EHMT1: variants seen among roughly 807,000 people sequenced by gnomAD.
EHMT1 encodes the protein euchromatic histone lysine methyltransferase 1.
In EHMT1, 15 loss-of-function variants were observed where a neutral mutation model predicts 147.2. The ratio of observed to expected loss-of-function variants is 0.10; its 90% CI spans 0.07 to 0.16. EHMT1 has a LOEUF of 0.16. Among genes scored for constraint, EHMT1 ranks in the 10% least tolerant of loss-of-function variants. The pLI is 1.00. For missense variants in EHMT1, 1,587 were observed against 1,772.4 expected (o/e 0.90, Z 1.88); for synonymous variants, 795 against 709.6 (o/e 1.12, Z -1.91).
chr9:137,625,438 A>G (rs1465775867), intron 1 of EHMT1, among the ~76,000 whole-genome samples: 5 of 152,230 alleles, frequency 3.3e-5, no homozygotes, highest in African/African-American at 7.2e-5. Flanking sequence ...TCCTGGGCTC[A>G]AGCAAGCCTC....
intron 18 of EHMT1, among the ~76,000 whole-genome samples, chr9:137,805,665 CTTT>C (rs869054500): frequency 7.0e-6 from 1 of 142,456 alleles, no homozygotes; most frequent in Non-Finnish European, 1.5e-5. Flanking sequence ...AGTCAGTGGT[CTTT>C]TTTTTTTTTT....
In EHMT1 at chr9:137,834,948, C is replaced by T; in HGVS notation, c.3892C>T (p.Leu1298=). Residue 1298 remains leucine (L), a synonymous_variant, in exon 27 of 27, where the codon CTA becomes TTA. Transcript: ENST00000460843. ...CAGCTCCGCGGCTGCCGCCGACCCC[C>T]TATGAGACGCCGCCGGCCAGCGGGG... ...DTSSAAAADP[L] The T allele has an allele frequency of 6.9e-7, 1 of 1,454,592 alleles. No homozygotes were observed. Among genetic ancestry groups the T allele is most frequent in the East Asian group, 2.7e-5 (1 of 37,248 alleles). The allele number at this position is 1,454,592 out of a possible 1,614,324, so 90.1% of individuals were successfully genotyped here. A position where few individuals can be genotyped will look rare whatever the true frequency, so the allele number is the denominator to read the frequency against.
chr9:137,708,396 G>C (rs1182238010), intron 1 of EHMT1, among the ~76,000 whole-genome samples: 1 of 152,326 alleles, frequency 6.6e-6, no homozygotes. Flanking sequence ...CTGTGCCAAT[G>C]ACCTTCTTCC....
At chr9:137,790,675 GATA>G (rs1273073736) in intron 15 of EHMT1, among the ~76,000 whole-genome samples, 170 bp from the exon 16 acceptor site, 2 of 152,200 alleles carry the variant, frequency 1.3e-5, no homozygotes, top group African/African-American at 4.8e-5. Flanking sequence ...CTAAAGGTTT[GATA>G]ATAATAGAAT....
intron 1 of EHMT1, among the ~76,000 whole-genome samples, chr9:137,623,721 G>A (rs1041748574): frequency 4.6e-5 from 7 of 152,140 alleles, no homozygotes; most frequent in African/African-American, 9.7e-5. Flanking sequence ...GCACCCGGCC[G>A]CAAATGTCTT....
intron 6 of EHMT1, among the ~76,000 whole-genome samples, chr9:137,748,437 G>A (rs1948720155): frequency 6.6e-6 from 1 of 152,162 alleles, no homozygotes; most frequent in Non-Finnish European, 1.5e-5. Flanking sequence ...TGGTTCCAGT[G>A]GGGCCGTCCT....
At position 137,737,992 on chromosome 9, in the gene EHMT1, C is replaced by T. The variant is rs899048121; in HGVS notation, c.824-5379C>T. Among the ~76,000 whole-genome samples, 3 of 152,154 alleles carry T rather than the reference C, an allele frequency of 2.0e-5. No individual in the cohort carries two copies. In the South Asian group the frequency reaches 6.2e-4, roughly 32 times the overall value. On this transcript the variant is annotated intron_variant, in intron 4 of 26. Coordinates refer to ENST00000460843, the MANE Select transcript of EHMT1 (RefSeq NM_024757.5). ...GCAGATCACCTGAGGTCAGGAGTTC[C>T]AGACGAGCCGAGCCAACATAGTGAA...
intron 1 of EHMT1, among the ~76,000 whole-genome samples, chr9:137,644,542 G>A (rs958314883): frequency 2.6e-5 from 4 of 152,114 alleles, no homozygotes; most frequent in African/African-American, 9.7e-5. Flanking sequence ...TGGCCAGGCT[G>A]GTCTTGAACT....
In EHMT1 at chr9:137,828,862, C is replaced by G. The variant is rs1351061027; in HGVS notation, c.3541-5487C>G. ...TCAGCACCTTGGAGAGCTGCCGCCT[C>G]TGTGCCTCCCCTCCTGCTTGCTGCG... On this transcript the variant is annotated intron_variant, in intron 25 of 26. Transcript: ENST00000460843. The surrounding 1 kb of genome is among the most constrained non-coding windows in gnomAD (Gnocchi z 5.3). Among the ~76,000 whole-genome samples, 1 of 152,164 alleles carries G rather than the reference C, an allele frequency of 6.6e-6. No homozygotes were observed. The highest frequency in any genetic ancestry group is 2.4e-5 in the African/African-American group (1 of 41,440).
At chr9:137,626,204 T>G (rs1475223258) in intron 1 of EHMT1, among the ~76,000 whole-genome samples, 1 of 151,958 alleles carries the variant, frequency 6.6e-6, no homozygotes, top group Non-Finnish European at 1.5e-5. Context: ...TGTTTTCTAT[T>G]CTTTTTAGTA....
rs572295028 is a variant in EHMT1 at position 137,700,852 on chromosome 9, G to A, written c.22-10115G>A. ...GCCAGGTTTCTGGGTGTATTGGCTC[G>A]TTCTCACACTGCTATAAAGACATAC... On this transcript the variant is annotated intron_variant, in intron 1 of 26. Coordinates refer to ENST00000460843, the MANE Select transcript of EHMT1 (RefSeq NM_024757.5). Among the ~76,000 whole-genome samples, 56 of 152,238 alleles carry A rather than the reference G, an allele frequency of 3.7e-4. No homozygotes were observed. In the South Asian group the frequency reaches 6.4e-3, roughly 17 times the overall value.
chr9:137,784,491 C>G, intron 15 of EHMT1: 1 of 979,520 alleles, frequency 1.0e-6, no homozygotes. Context: ...CTGGAAGTTA[C>G]AGACTTTCCA....
intron 1 of EHMT1, chr9:137,697,082 AC>A: frequency 2.7e-6 from 1 of 375,962 alleles, no homozygotes; most frequent in Non-Finnish European, 5.5e-6. Flanking sequence ...GGAGTTAGAG[AC>A]CAGCCCGGCC....
intron 4 of EHMT1, among the ~76,000 whole-genome samples, chr9:137,728,947 C>T (rs1394500487): frequency 6.6e-6 from 1 of 152,180 alleles, no homozygotes; most frequent in East Asian, 1.9e-4. Flanking sequence ...AGCCACCTCG[C>T]TCCAGGCGTG....
chr9:137,664,484 T>A (rs1235439003), intron 1 of EHMT1, among the ~76,000 whole-genome samples: 3 of 152,048 alleles, frequency 2.0e-5, no homozygotes, highest in African/African-American at 7.2e-5. Flanking sequence ...GGTCTCGAAC[T>A]CTGGAGCTCA....
chr9:137,682,138 C>T (rs529658022), intron 1 of EHMT1, among the ~76,000 whole-genome samples: 2 of 152,010 alleles, frequency 1.3e-5, no homozygotes, highest in Middle Eastern at 3.4e-3. Flanking sequence ...TTAGTAGAGA[C>T]GGGGTTTCTC....
At chr9:137,661,929 G>C (rs1301798653) in intron 1 of EHMT1, among the ~76,000 whole-genome samples, 1 of 151,930 alleles carries the variant, frequency 6.6e-6, no homozygotes, top group Admixed American at 6.6e-5. Flanking sequence ...CAGCCTCCCA[G>C]GTAGCTGGGA....
chr9:137,743,163 G>A (rs1037879410), intron 4 of EHMT1: 17 of 570,544 alleles, frequency 3.0e-5, no homozygotes, highest in Admixed American at 1.9e-4. Flanking sequence ...GATGATCCAG[G>A]ACGTGTTTCT....
At position 137,743,891 on chromosome 9, in the gene EHMT1, C is replaced by T. The variant is rs111985990; in HGVS notation, c.982-11C>T. On this transcript the variant is annotated splice_polypyrimidine_tract_variant and intron_variant, in intron 5 of 26. Coordinates refer to ENST00000460843, the MANE Select transcript of EHMT1 (RefSeq NM_024757.5). Reference sequence around the variant, plus strand: ...ATCCTGCCTTGGGGTATACACCTGCCCGTGTTCTAGGGGGAGAAGGACCTG... The same window carrying T: ...ATCCTGCCTTGGGGTATACACCTGCTCGTGTTCTAGGGGGAGAAGGACCTG... 1.0e-5 allele frequency: 16 copies of T among 1,607,298 alleles called. No individual in the cohort carries two copies. In the African/African-American group the frequency reaches 1.1e-4, roughly 11 times the overall value.
Sources: allele counts gnomAD v4.1 joint callset (sites outside exome capture counted in the v4.1 genomes callset), GRCh38; gene constraint gnomAD v4.1.1; non-coding constraint Gnocchi (gnomAD v3.1); transcripts MANE v1.5; gene names NCBI Gene and HGNC (gene_info 2026-07-23, HGNC 2026-07-21).